UNC13B: variants seen among roughly 807,000 people sequenced by gnomAD.
UNC13B encodes the protein unc-13 homolog B, also known as protein unc-13 homolog B.
Under a neutral mutation model 211.0 loss-of-function variants are expected in UNC13B, and 144 were observed. That is an observed-to-expected ratio of 0.68 (90% CI 0.60 to 0.78). The LOEUF is 0.78. UNC13B is among the 30% of genes least tolerant of loss of function. The pLI, the probability that UNC13B is intolerant of heterozygous loss-of-function variation, is 0.00. For missense variants in UNC13B, 1,777 were observed against 2,002.0 expected (o/e 0.89, Z 2.14); for synonymous variants, 709 against 725.8 (o/e 0.98, Z 0.37).
At chr9:35,340,448 C>T (rs1831917656) in intron 11 of UNC13B, among the ~76,000 whole-genome samples, 1 of 152,172 alleles carries the variant, frequency 6.6e-6, no homozygotes, top group African/African-American at 2.4e-5. Context: ...ACAAATCATT[C>T]TTAATTTAAA....
At chr9:35,351,829 C>T in intron 11 of UNC13B, 35 of 1,232,262 alleles carry the variant, frequency 2.8e-5, no homozygotes, top group East Asian at 6.3e-5. Flanking sequence ...CTCAGGATCC[C>T]TCATCTGTCA....
chr9:35,376,883 A>G (rs1320734954), intron 15 of UNC13B, among the ~76,000 whole-genome samples: 2 of 152,204 alleles, frequency 1.3e-5, no homozygotes, highest in African/African-American at 2.4e-5. Flanking sequence ...CTCAAAGTTC[A>G]TATCTCCTTG....
intron 7 of UNC13B, among the ~76,000 whole-genome samples, chr9:35,270,774 G>T (rs929765470): frequency 1.3e-5 from 2 of 152,088 alleles, no homozygotes; most frequent in Admixed American, 6.5e-5. Flanking sequence ...CATTGCATTT[G>T]TATGTGGTGT....
At position 35,404,497 on chromosome 9, in the gene UNC13B, G is replaced by T; in HGVS notation, c.*464G>T. 1 of 195,080 alleles carries T rather than the reference G, an allele frequency of 5.1e-6. No homozygotes were observed. The allele number at this position is 195,080 out of a possible 1,614,324, so 12.1% of individuals were successfully genotyped here. A position where few individuals can be genotyped will look rare whatever the true frequency, so the allele number is the denominator to read the frequency against. On this transcript the variant is annotated 3_prime_UTR_variant, in exon 40 of 40. Transcript: ENST00000635942. ...GTTGCTGAGCCCGGTGGTCTGGATTGGAGTATGGCCAGGGCAGGAGTACAC... is the reference window on the plus strand; with the variant it reads ...GTTGCTGAGCCCGGTGGTCTGGATTTGAGTATGGCCAGGGCAGGAGTACAC...
intron 11 of UNC13B, among the ~76,000 whole-genome samples, chr9:35,350,458 A>G (rs982161033): frequency 1.3e-5 from 2 of 152,164 alleles, no homozygotes; most frequent in Admixed American, 6.5e-5. Context: ...TGGTGCTCTG[A>G]AAGATCCTCT....
intron 11 of UNC13B, among the ~76,000 whole-genome samples, chr9:35,350,160 A>G (rs1832622772): frequency 6.6e-6 from 1 of 151,808 alleles, no homozygotes; most frequent in African/African-American, 2.4e-5. Context: ...GCTTCCGTAC[A>G]CTCTCCACAT....
chr9:35,281,181 C>A (rs560387142), intron 7 of UNC13B, among the ~76,000 whole-genome samples: 3 of 148,828 alleles, frequency 2.0e-5, no homozygotes, highest in Admixed American at 1.4e-4. Flanking sequence ...ACCTGGGAGA[C>A]GGAGGTTGCA....
intron 11 of UNC13B, among the ~76,000 whole-genome samples, chr9:35,316,936 TA>T (rs554458533): frequency 9.9e-5 from 15 of 151,878 alleles, no homozygotes; most frequent in South Asian, 4.1e-4. Flanking sequence ...CACATTGTTT[TA>T]AAAAAAAGTA....
chr9:35,255,493 T>TC (rs1426443117), intron 6 of UNC13B, among the ~76,000 whole-genome samples: 2 of 152,102 alleles, frequency 1.3e-5, no homozygotes, highest in African/African-American at 4.8e-5. Flanking sequence ...ATTACTCAAA[T>TC]CAGTCTCCTG....
Position 35,312,169 on chromosome 9 carries a change from G to C in UNC13B, c.9323+1388G>C, listed in dbSNP as rs1279305150. 2.6e-5 allele frequency among the ~76,000 whole-genome samples: 4 copies of C among 152,170 alleles called. No homozygotes were observed. The East Asian group carries it at 7.7e-4, about 29-fold the overall frequency. ...TGATAAGGGATGGGTGTGACTTAGA[G>C]TTTCAAATTTCAAGATCTAATAATA... On this transcript the variant is annotated intron_variant, in intron 10 of 39. Transcript: ENST00000635942.
Position 35,403,173 on chromosome 9 carries a change from G to A in UNC13B, c.12491G>A (p.Gly4164Asp). Residue 4164 changes from glycine (G) to aspartate (D), a missense_variant, in exon 38 of 40, where the codon GGT becomes GAT. Transcript: ENST00000635942. ...CTCTCCATTTGTCCCTCAGGGTCTGGTGTGGACGATCCTGTGGGAGAAGTC... is the reference window on the plus strand; with the variant it reads ...CTCTCCATTTGTCCCTCAGGGTCTGATGTGGACGATCCTGTGGGAGAAGTC... ...FVRSQTTQGS[G>D]VDDPVGEVSI... is the part of the protein sequence containing the mutation. 1 of 1,614,084 alleles carries A rather than the reference G, an allele frequency of 6.2e-7. No homozygotes were observed. Among genetic ancestry groups the A allele is most frequent in the Non-Finnish European group, 8.5e-7 (1 of 1,179,980 alleles).
chr9:35,205,150 A>G (rs1227059040), intron 1 of UNC13B, among the ~76,000 whole-genome samples: 1 of 152,116 alleles, frequency 6.6e-6, no homozygotes, highest in Non-Finnish European at 1.5e-5. Flanking sequence ...GGCCATGTGA[A>G]GTGCTATATC....
chr9:35,235,878 G>T (rs780403291), intron 3 of UNC13B, among the ~76,000 whole-genome samples: 1 of 152,164 alleles, frequency 6.6e-6, no homozygotes, highest in Non-Finnish European at 1.5e-5. Flanking sequence ...TGGCAATAAT[G>T]TCCTTATTAC....
At chr9:35,386,358 A>G in intron 24 of UNC13B, 65 bp downstream of exon 24, 1 of 1,604,074 alleles carries the variant, frequency 6.2e-7, no homozygotes. Flanking sequence ...GTTTTCCTTC[A>G]TGATGGTGGT....
rs745980878 is a variant in UNC13B at position 35,310,731 on chromosome 9, T to A, written c.9273T>A (p.Pro3091=). The change falls in exon 10 of 40, where the codon CCT becomes CCA. Residue 3091 remains proline, a synonymous_variant. Transcript: ENST00000635942. ...TGAAAGAAGATGCCACAACCCACCCTCCCCCAGATCTGGTGCTGCAAAAAG... is the reference window on the plus strand; with the variant it reads ...TGAAAGAAGATGCCACAACCCACCCACCCCCAGATCTGGTGCTGCAAAAAG... The part of the protein sequence containing the change: ...KEMKEDATTH[P]PPDLVLQKDH... 1.9e-6 allele frequency: 3 copies of A among 1,613,564 alleles called. No individual in the cohort carries two copies. The South Asian group carries it at 3.3e-5, about 18-fold the overall frequency.
Position 35,306,850 on chromosome 9 carries a change from TTTCTC to T in UNC13B, c.7447_7451del (p.Phe2483LeufsTer3), listed in dbSNP as rs1829948708. On this transcript the variant is annotated frameshift_variant, in exon 9 of 40. Coordinates refer to ENST00000635942, the MANE Select transcript of UNC13B (RefSeq NM_001371189.2). LOFTEE classifies it high-confidence loss of function. ...AACCTCCCAAAACACTCTCTGGACT[TTTCTC>T]CTCTCCTAAATCTCCAAAGAAAAAC... The T allele has an allele frequency of 2.5e-6, 1 of 398,916 alleles. No individual in the cohort carries two copies. The highest frequency in any genetic ancestry group is 4.4e-6 in the Non-Finnish European group (1 of 226,066). The allele number at this position is 398,916 out of a possible 1,614,324, so 24.7% of individuals were successfully genotyped here. A position where few individuals can be genotyped will look rare whatever the true frequency, so the allele number is the denominator to read the frequency against.
At chr9:35,224,586 A>G (rs1181073017) in intron 1 of UNC13B, among the ~76,000 whole-genome samples, 2 of 152,154 alleles carry the variant, frequency 1.3e-5, no homozygotes, top group Admixed American at 1.3e-4. Context: ...AAGAGGGACA[A>G]TTTGGCTTCC....
At chr9:35,208,957 G>T (rs1195202144) in intron 1 of UNC13B, among the ~76,000 whole-genome samples, 2 of 152,076 alleles carry the variant, frequency 1.3e-5, no homozygotes, top group African/African-American at 4.8e-5. Context: ...TATCCACCTT[G>T]CAATTAATAA....
At chr9:35,376,832 G>A (rs1162740705) in intron 15 of UNC13B, among the ~76,000 whole-genome samples, 1 of 152,214 alleles carries the variant, frequency 6.6e-6, no homozygotes, top group Non-Finnish European at 1.5e-5. Context: ...GACAATAGGA[G>A]CAGGAAAAGC....
Sources: allele counts gnomAD v4.1 joint callset (sites outside exome capture counted in the v4.1 genomes callset), GRCh38; gene constraint gnomAD v4.1.1; transcripts MANE v1.5; gene names NCBI Gene and HGNC (gene_info 2026-07-23, HGNC 2026-07-21).